The following RAPGEF4 variants were observed in gnomAD, a reference collection of about 807,000 sequenced individuals.
RAPGEF4 encodes the protein Rap guanine nucleotide exchange factor 4.
A neutral mutation model predicts 147.9 loss-of-function variants in RAPGEF4; 66 were observed. The observed-to-expected ratio is 0.45, with a 90% CI of 0.37 to 0.55. The LOEUF (loss-of-function observed/expected upper bound fraction) is 0.55, where lower values mean the gene tolerates loss of function less well. RAPGEF4 is among the 20% of genes least tolerant of loss of function. The pLI, the probability that RAPGEF4 is intolerant of heterozygous loss-of-function variation, is 0.00. For synonymous variants in RAPGEF4, 419 were observed against 442.7 expected (o/e 0.95, Z 0.67); for missense variants, 1,071 against 1,257.3 (o/e 0.85, Z 2.24).
chr2:172,908,151 A>G (rs963003134), intron 4 of RAPGEF4, among the ~76,000 whole-genome samples: 5 of 152,256 alleles, frequency 3.3e-5, no homozygotes, highest in African/African-American at 1.2e-4. Flanking sequence ...TTGTAGCTAG[A>G]AGTAGCCAGC....
At chr2:173,021,619 A>T (rs2105924225) in intron 23 of RAPGEF4, among the ~76,000 whole-genome samples, 1 of 152,282 alleles carries the variant, frequency 6.6e-6, no homozygotes, top group East Asian at 1.9e-4. Context: ...AAGGCACAAG[A>T]CAAGAGCTAG....
At chr2:172,760,032 G>A (rs1168204237) in intron 1 of RAPGEF4, among the ~76,000 whole-genome samples, 1 of 152,056 alleles carries the variant, frequency 6.6e-6, no homozygotes, top group Non-Finnish European at 1.5e-5. Context: ...AAACACCAAT[G>A]GGCACAGACA....
Position 172,973,054 on chromosome 2 carries a change from T to C in RAPGEF4, c.1004+5610T>C, listed in dbSNP as rs563288733. On this transcript the variant is annotated intron_variant, in intron 10 of 30. Transcript: ENST00000397081. Reference sequence around the variant, plus strand: ...TGTTCTCTGAATGTTCTTTAATGCATTCAGTTTGTGATCGTTGGATGTTTA... The same window carrying C: ...TGTTCTCTGAATGTTCTTTAATGCACTCAGTTTGTGATCGTTGGATGTTTA... Among the ~76,000 whole-genome samples the C allele has an allele frequency of 3.9e-5, 6 of 152,268 alleles. No individual in the cohort carries two copies. In the South Asian group the frequency reaches 1.2e-3, roughly 32 times the overall value.
At chr2:172,880,914 A>G (rs1696548879) in intron 4 of RAPGEF4, among the ~76,000 whole-genome samples, 1 of 152,238 alleles carries the variant, frequency 6.6e-6, no homozygotes, top group Non-Finnish European at 1.5e-5. Flanking sequence ...AACCTTCAAG[A>G]CATGTCATTC....
chr2:172,969,824 G>A (rs557006892), intron 10 of RAPGEF4, among the ~76,000 whole-genome samples: 30 of 152,246 alleles, frequency 2.0e-4, no homozygotes, highest in African/African-American at 6.7e-4. Context: ...AATGGGAGTC[G>A]CTGCTTGTGC....
chr2:172,928,112 C>T (rs920123923), intron 6 of RAPGEF4: 6 of 436,330 alleles, frequency 1.4e-5, no homozygotes, highest in African/African-American at 6.1e-5. Context: ...GCGTAACCCC[C>T]GAGCCAGGAC....
chr2:172,946,767 G>A (rs1018009571), intron 6 of RAPGEF4, among the ~76,000 whole-genome samples: 4 of 152,130 alleles, frequency 2.6e-5, no homozygotes, highest in Admixed American at 1.3e-4. Context: ...TATGTAAAAC[G>A]GTTCCACCGG....
At chr2:173,046,474 T>C (rs147253544) in intron 29 of RAPGEF4, among the ~76,000 whole-genome samples, 225 of 152,312 alleles carry the variant, frequency 1.5e-3, no homozygotes, top group Middle Eastern at 0.01. Context: ...CAGAGGGGCA[T>C]ACTGGCAGCA....
At chr2:172,758,963 AAG>A (rs747772142) in intron 1 of RAPGEF4, among the ~76,000 whole-genome samples, 42 of 152,318 alleles carry the variant, frequency 2.8e-4, no homozygotes, top group Non-Finnish European at 4.9e-4. Context: ...TTCAGAAGGA[AAG>A]AGAGTAACTA....
intron 29 of RAPGEF4, chr2:173,048,029 G>A (rs1190523138): frequency 6.5e-6 from 1 of 152,838 alleles, no homozygotes; most frequent in East Asian, 1.9e-4. Context: ...CAGAAAGGAG[G>A]AAGAAGGGAG....
intron 1 of RAPGEF4, among the ~76,000 whole-genome samples, chr2:172,747,604 T>C (rs1027494562): frequency 1.3e-5 from 2 of 152,204 alleles, no homozygotes; most frequent in Non-Finnish European, 2.9e-5. Context: ...TAGCTGGGAC[T>C]ATAGGCACCT....
chr2:173,013,769 C>G (rs1449440026), intron 17 of RAPGEF4, among the ~76,000 whole-genome samples: 1 of 152,148 alleles, frequency 6.6e-6, no homozygotes, highest in Non-Finnish European at 1.5e-5. Flanking sequence ...TCCCAAGCCT[C>G]AAGGTGCTTA....
intron 17 of RAPGEF4, among the ~76,000 whole-genome samples, chr2:173,006,949 G>A (rs540640958): frequency 6.6e-6 from 1 of 152,334 alleles, no homozygotes; most frequent in Non-Finnish European, 1.5e-5. Flanking sequence ...TTGTTTCCAT[G>A]AGGAAGACTT....
chr2:172,830,064 A>T (rs1275227448), intron 4 of RAPGEF4, among the ~76,000 whole-genome samples: 1 of 152,124 alleles, frequency 6.6e-6, no homozygotes, highest in Non-Finnish European at 1.5e-5. Context: ...GGGGTCTGTT[A>T]TCTACCAAAA....
chr2:172,932,242 CTCAT>C (rs1342111855), intron 6 of RAPGEF4, among the ~76,000 whole-genome samples: 6 of 152,194 alleles, frequency 3.9e-5, no homozygotes, highest in Admixed American at 3.3e-4. Flanking sequence ...AAATAACCAG[CTCAT>C]TCACTCATTC....
chr2:173,046,493 G>A (rs1357891228), intron 29 of RAPGEF4, among the ~76,000 whole-genome samples: 1 of 152,026 alleles, frequency 6.6e-6, no homozygotes, highest in Non-Finnish European at 1.5e-5. Context: ...CATTTCCCAG[G>A]GTTTTCGGTA....
At chr2:172,884,802 T>C (rs940582959) in intron 4 of RAPGEF4, among the ~76,000 whole-genome samples, 1 of 152,250 alleles carries the variant, frequency 6.6e-6, no homozygotes, top group Non-Finnish European at 1.5e-5. Context: ...TGCAACATAC[T>C]TCAGTTTAGC....
At chr2:172,990,747 G>A in intron 14 of RAPGEF4, 63 bp from the exon 15 acceptor site, 2 of 1,226,662 alleles carry the variant, frequency 1.6e-6, no homozygotes, top group Admixed American at 2.1e-5. Context: ...TGAAGCATTT[G>A]AAAATTTTTT....
intron 1 of RAPGEF4, among the ~76,000 whole-genome samples, chr2:172,792,495 C>G (rs1204963543): frequency 6.6e-6 from 1 of 152,182 alleles, no homozygotes; most frequent in African/African-American, 2.4e-5. Context: ...TCAGGATTTC[C>G]CTTCCTCTTC....
Sources: gnomAD v4.1 joint callset for allele counts (sites outside exome capture counted in the v4.1 genomes callset) on GRCh38, gnomAD v4.1.1 for gene constraint, MANE v1.5 for transcripts, NCBI Gene and HGNC (gene_info 2026-07-23, HGNC 2026-07-21) for gene names.